TENM3: variants seen among roughly 807,000 people sequenced by gnomAD.
TENM3 encodes teneurin-3.
Under a neutral mutation model 255.1 loss-of-function variants are expected in TENM3, and 63 were observed. That is an observed-to-expected ratio of 0.25 (90% CI 0.20 to 0.30). The LOEUF is 0.30. TENM3 is among the 10% of genes least tolerant of loss of function. The pLI, the probability that TENM3 is intolerant of heterozygous loss-of-function variation, is 1.00. For synonymous variants in TENM3, 1,306 were observed against 1,322.3 expected (o/e 0.99, Z 0.27); for missense variants, 2,929 against 3,461.1 (o/e 0.85, Z 3.86).
At position 182,159,697 on chromosome 4, in the gene TENM3, G is replaced by C. The variant is rs377563679; in HGVS notation, c.-76+14943G>C. On this transcript the variant is annotated intron_variant, in intron 1 of 2. Coordinates refer to the TENM3 transcript ENST00000512480. ...TAGAAGCGCTCAGCTCAAGGGGAAC[G>C]GGAGCTGAGAGGCTGTTCCAGTCCG... Among the ~76,000 whole-genome samples the C allele has an allele frequency of 1.6e-3, 236 of 152,222 alleles. 8 individuals carry two copies. In the South Asian group the frequency reaches 0.049, roughly 31 times the overall value.
chr4:181,512,108 A>G, the TENM3 span, among the ~76,000 whole-genome samples: 113 of 152,178 alleles, frequency 7.4e-4, no homozygotes, highest in African/African-American at 2.6e-3. Flanking sequence ...GGCCCTCATG[A>G]GGTCAACATC....
chr4:182,263,368 G>A (rs993260358), intron 1 of TENM3, among the ~76,000 whole-genome samples: 1 of 152,182 alleles, frequency 6.6e-6, no homozygotes, highest in Non-Finnish European at 1.5e-5. Flanking sequence ...AGGCAGAGGC[G>A]CTTGACCTTG....
At chr4:182,318,225 G>C (rs991446300) in intron 1 of TENM3, among the ~76,000 whole-genome samples, 1 of 152,000 alleles carries the variant, frequency 6.6e-6, no homozygotes, top group Non-Finnish European at 1.5e-5. Flanking sequence ...TTTTGGGTTT[G>C]GATATTTGTT....
At chr4:182,087,236 GAA>G in the TENM3 span, among the ~76,000 whole-genome samples, 7 of 152,302 alleles carry the variant, frequency 4.6e-5, no homozygotes, top group South Asian at 1.0e-3. Flanking sequence ...CTAATTAAAA[GAA>G]GGGTTCATTT....
intron 13 of TENM3, among the ~76,000 whole-genome samples, chr4:182,715,139 C>T (rs1759055558): frequency 6.6e-6 from 1 of 152,220 alleles, no homozygotes; most frequent in South Asian, 2.1e-4. Context: ...CCACCTCGGC[C>T]TCCAAAGTGC....
intron 3 of TENM3, among the ~76,000 whole-genome samples, chr4:182,593,345 CTCTG>C (rs57275387): frequency 1.7e-4 from 26 of 152,240 alleles, no homozygotes; most frequent in South Asian, 1.2e-3. Flanking sequence ...GTTTCTGTCT[CTCTG>C]TCTGTCTGTC....
At chr4:182,394,765 C>T (rs1561402130) in intron 3 of TENM3, among the ~76,000 whole-genome samples, 2 of 152,170 alleles carry the variant, frequency 1.3e-5, no homozygotes, top group Non-Finnish European at 1.5e-5. Context: ...ATTCTTAAAG[C>T]ATAAACAATG....
the TENM3 span, among the ~76,000 whole-genome samples, chr4:181,683,411 C>T: frequency 6.6e-6 from 1 of 152,224 alleles, no homozygotes; most frequent in African/African-American, 2.4e-5. Flanking sequence ...AAATGTCTTG[C>T]TTAAGAGCTT....
At chr4:181,638,864 AAATT>A in the TENM3 span, among the ~76,000 whole-genome samples, 1 of 152,228 alleles carries the variant, frequency 6.6e-6, no homozygotes, top group African/African-American at 2.4e-5. Flanking sequence ...ATTAGCTTCT[AAATT>A]AACACATCCG....
At chr4:181,734,310 AT>A in the TENM3 span, among the ~76,000 whole-genome samples, 51 of 148,796 alleles carry the variant, frequency 3.4e-4, no homozygotes, top group African/African-American at 6.1e-4. Flanking sequence ...TGTTTTGCTC[AT>A]TTTTTTTTTA....
intron 2 of TENM3, among the ~76,000 whole-genome samples, chr4:182,325,187 A>C (rs1169988485): frequency 1.3e-5 from 2 of 152,236 alleles, no homozygotes; most frequent in East Asian, 3.8e-4. Flanking sequence ...TAAAGAATAT[A>C]TTCATTCTTT....
At chr4:181,771,717 T>A in the TENM3 span, among the ~76,000 whole-genome samples, 2 of 152,230 alleles carry the variant, frequency 1.3e-5, no homozygotes, top group African/African-American at 4.8e-5. Flanking sequence ...TAAATGCAGA[T>A]TCTGGTTAAG....
chr4:182,442,615 A>G (rs961317510), intron 3 of TENM3, among the ~76,000 whole-genome samples: 4 of 152,158 alleles, frequency 2.6e-5, no homozygotes, highest in African/African-American at 9.7e-5. Context: ...TTTTAGAGAT[A>G]GAGTCTTGCT....
chr4:182,769,611 G>C (rs751946740), intron 22 of TENM3, among the ~76,000 whole-genome samples: 1 of 151,346 alleles, frequency 6.6e-6, no homozygotes, highest in Non-Finnish European at 1.5e-5. Flanking sequence ...GTGAAACCCC[G>C]TCTCTACTAA....
At chr4:181,986,479 G>A in the TENM3 span, among the ~76,000 whole-genome samples, 1 of 152,064 alleles carries the variant, frequency 6.6e-6, no homozygotes. Flanking sequence ...AACCTTTAGT[G>A]TTTCCGCATG....
At chr4:181,560,629 C>G in the TENM3 span, among the ~76,000 whole-genome samples, 3 of 152,204 alleles carry the variant, frequency 2.0e-5, no homozygotes, top group Non-Finnish European at 2.9e-5. Flanking sequence ...TATGATTTAC[C>G]TTATTTTTGT....
At chr4:182,620,611 C>G (rs1040302535) in intron 4 of TENM3, among the ~76,000 whole-genome samples, 1 of 152,162 alleles carries the variant, frequency 6.6e-6, no homozygotes, top group African/African-American at 2.4e-5. Context: ...AAAATGACAC[C>G]ATTTGTTTGT....
chr4:182,745,653 A>G (rs1051233299), intron 19 of TENM3, among the ~76,000 whole-genome samples: 8 of 152,202 alleles, frequency 5.3e-5, no homozygotes, highest in African/African-American at 1.9e-4. Flanking sequence ...GGTAGCAGAC[A>G]GTTAAACCAC....
chr4:181,815,443 A>G, the TENM3 span, among the ~76,000 whole-genome samples: 1 of 137,988 alleles, frequency 7.2e-6, no homozygotes, highest in Admixed American at 9.0e-5. Flanking sequence ...AGCCTGGGCG[A>G]CAGAGTGAGA....
Sources: allele counts gnomAD v4.1 joint callset (sites outside exome capture counted in the v4.1 genomes callset), GRCh38; gene constraint gnomAD v4.1.1; transcripts MANE v1.5; gene names NCBI Gene and HGNC (gene_info 2026-07-23, HGNC 2026-07-21).